The following KRT27 variants were observed in gnomAD, a reference collection of about 807,000 sequenced individuals.
KRT27 encodes keratin, type I cytoskeletal 27.
KRT27 carries 30 observed loss-of-function variants against 45.3 expected under a neutral mutation model. The observed-to-expected ratio is 0.66, with a 90% CI of 0.50 to 0.90. The LOEUF is 0.90. KRT27 is among the 40% of genes least tolerant of loss of function. The pLI is 0.00. For missense variants in KRT27, 610 were observed against 564.3 expected (o/e 1.08, Z -0.82); for synonymous variants, 204 against 223.9 (o/e 0.91, Z 0.79).
At position 40,777,670 on chromosome 17, in the gene KRT27, C is replaced by G; in HGVS notation, c.1035G>C (p.Gln345His). The G allele has an allele frequency of 6.2e-7, 1 of 1,614,174 alleles. No individual in the cohort carries two copies. The highest frequency in any genetic ancestry group is 8.5e-7 in the Non-Finnish European group (1 of 1,180,026). Residue 345 changes from glutamine to histidine, a missense_variant, in exon 6 of 8, where the codon CAG becomes CAC. By Grantham distance (24) the Gln-to-His change is conservative. Coordinates refer to ENST00000301656, the MANE Select transcript of KRT27 (RefSeq NM_181537.4). ...TESNYCAQLA[Q>H]IQAQIGALEE... is the part of the protein sequence containing the mutation. ...CCAGGGCCCCGATCTGAGCCTGGAT[C>G]TGTGCCAGCTGTGCACAGTAGTTAC...
chr17:40,779,876 T>C lies in KRT27; in HGVS notation c.685-15A>G. On this transcript the variant is annotated splice_polypyrimidine_tract_variant and intron_variant, in intron 3 of 7. Coordinates refer to ENST00000301656, the MANE Select transcript of KRT27 (RefSeq NM_181537.4). ...GCTTTCATTTCCTGAAAGATATTTG[T>C]TTAACGGAATTAGGATCTGAATATT... 1 of 1,599,840 alleles carries C rather than the reference T, an allele frequency of 6.3e-7. No homozygotes were observed. Among genetic ancestry groups the C allele is most frequent in the Non-Finnish European group, 8.5e-7 (1 of 1,175,016 alleles).
In KRT27 at chr17:40,779,792, C is replaced by G; in HGVS notation, c.754G>C (p.Asp252His). 1 of 1,614,274 alleles carries G rather than the reference C, an allele frequency of 6.2e-7. No individual in the cohort carries two copies. The highest frequency in any genetic ancestry group is 8.5e-7 in the Non-Finnish European group (1 of 1,180,050). Reference sequence around the variant, plus strand: ...ATATTGTTCAGCAGAACCGTGAGGTCTACCCCGGGGGCCGCGTTCATCTCC... The same window carrying G: ...ATATTGTTCAGCAGAACCGTGAGGTGTACCCCGGGGGCCGCGTTCATCTCC... ...NVEMNAAPGV[D>H]LTVLLNNMRA... is the part of the protein sequence containing the mutation. Residue 252 changes from aspartate to histidine, a missense_variant, in exon 4 of 8, where the codon GAC becomes CAC. By Grantham distance (81) the Asp-to-His change is moderately conservative. Coordinates refer to ENST00000301656, the MANE Select transcript of KRT27 (RefSeq NM_181537.4).
In KRT27 at chr17:40,777,509, A is replaced by G. The variant is rs1385663427; in HGVS notation, c.1190+6T>C. 1.9e-6 allele frequency: 3 copies of G among 1,613,666 alleles called. No homozygotes were observed. The highest frequency in any genetic ancestry group is 2.5e-6 in the Non-Finnish European group (3 of 1,179,674). On this transcript the variant is annotated splice_donor_region_variant and intron_variant, in intron 6 of 7. Transcript: ENST00000301656. The stretch of plus-strand genomic sequence containing the variant: ...GAATTGTTTTCTCAATGGCGGCAAT[A>G]CTGACCCATCTTCTCCATCTATCAG...
At position 40,782,237 on chromosome 17, in the gene KRT27, A is replaced by C. The variant is rs115984644; in HGVS notation, c.257T>G (p.Val86Gly). ...EHGLLSGNEK[V>G]TMQNLNDRLA... Reference sequence around the variant, plus strand: ...GCGGTCGTTGAGGTTCTGCATGGTCACCTTCTCATTGCCAGAGAGGAGGCC... The same window carrying C: ...GCGGTCGTTGAGGTTCTGCATGGTCCCCTTCTCATTGCCAGAGAGGAGGCC... Residue 86 changes from valine to glycine, a missense_variant, in exon 1 of 8, where the codon GTG becomes GGG. Transcript: ENST00000301656. 4.3e-4 allele frequency: 689 copies of C among 1,614,190 alleles called. 2 individuals carry two copies. The African/African-American group carries it at 8.5e-3, about 20-fold the overall frequency.
chr17:40,781,424 G>A (rs1443196346), intron 1 of KRT27, among the ~76,000 whole-genome samples, 154 bp from the exon 2 acceptor site: 1 of 151,776 alleles, frequency 6.6e-6, no homozygotes, highest in Non-Finnish European at 1.5e-5. Context: ...TTTAAGTATG[G>A]TCTCTCTCTC....
chr17:40,781,378 C>A, intron 1 of KRT27, 108 bp from the exon 2 acceptor site: 1 of 655,606 alleles, frequency 1.5e-6, no homozygotes, highest in Non-Finnish European at 2.7e-6. Context: ...TGGCATCTGT[C>A]TCTAATAATC....
intron 6 of KRT27, 40 bp downstream of exon 6, chr17:40,777,475 C>T (rs1417749735): frequency 3.7e-6 from 6 of 1,603,852 alleles, no homozygotes; most frequent in African/African-American, 1.3e-5. Context: ...CTTTAGTAAC[C>T]TTAAAAATGA....
chr17:40,779,432 G>C, intron 5 of KRT27, 70 bp downstream of exon 5: 1 of 1,537,046 alleles, frequency 6.5e-7, no homozygotes, highest in Non-Finnish European at 8.8e-7. Context: ...AATTATGTTG[G>C]AAGAAAATTC....
chr17:40,777,061 G>A lies in KRT27; in HGVS notation c.1318C>T (p.His440Tyr). Reference sequence around the variant, plus strand: ...TTGGTGGATTTCTCTTCCACAGTGTGAACTCTGGATGAGAGAACTTTGCCA... The same window carrying A: ...TTGGTGGATTTCTCTTCCACAGTGTAAACTCTGGATGAGAGAACTTTGCCA... ...PRGKVLSSRV[H>Y]TVEEKSTKVN... Residue 440 changes from histidine (H) to tyrosine (Y), a missense_variant, in exon 8 of 8, where the codon CAC becomes TAC. Physicochemically the swap from His to Tyr is moderately conservative, Grantham distance 83 (BLOSUM62 2). Coordinates refer to ENST00000301656, the MANE Select transcript of KRT27 (RefSeq NM_181537.4). The A allele has an allele frequency of 3.7e-6, 6 of 1,613,114 alleles. No individual in the cohort carries two copies. Among genetic ancestry groups the A allele is most frequent in the Non-Finnish European group, 5.1e-6 (6 of 1,179,080 alleles).
rs773105463 is a variant in KRT27 at position 40,782,263 on chromosome 17, G to A, written c.231C>T (p.His77=). Residue 77 remains histidine (H), a synonymous_variant, in exon 1 of 8, where the codon CAC becomes CAT. Coordinates refer to ENST00000301656, the MANE Select transcript of KRT27 (RefSeq NM_181537.4). ...CCTTCTCATTGCCAGAGAGGAGGCC[G>A]TGCTCATTCCCTGTGAAGGCAGCAC... The part of the protein sequence containing the change: ...ASCAAFTGNE[H]GLLSGNEKVT... 1.9e-4 allele frequency: 309 copies of A among 1,614,048 alleles called. 1 individual carries two copies. Among genetic ancestry groups the A allele is most frequent in the South Asian group, 5.7e-4 (52 of 91,086 alleles).
In KRT27 at chr17:40,782,497, G is replaced by A. The variant is rs761554173; in HGVS notation, c.-4C>T. On this transcript the variant is annotated 5_prime_UTR_variant, in exon 1 of 8. Transcript: ENST00000301656. ...TAGAAGAAAAGCGCACAGACATGGT[G>A]TCCGGAGGCTGGAGCCTTTGTTTCT... is the stretch of plus-strand genomic sequence containing the variant. 7 of 1,540,820 alleles carry A rather than the reference G, an allele frequency of 4.5e-6. No homozygotes were observed. The highest frequency in any genetic ancestry group is 4.1e-5 in the Admixed American group (2 of 48,568).
intron 1 of KRT27, among the ~76,000 whole-genome samples, chr17:40,781,576 T>G (rs1157480975): frequency 1.3e-5 from 2 of 152,230 alleles, no homozygotes; most frequent in East Asian, 3.9e-4. Flanking sequence ...ATTACAGGCA[T>G]GTGCCACCAC....
chr17:40,780,540 C>T (rs1356431383), intron 2 of KRT27, 84 bp from the exon 3 acceptor site: 1 of 1,303,578 alleles, frequency 7.7e-7, no homozygotes, highest in Non-Finnish European at 1.1e-6. Flanking sequence ...TCAGACTAAG[C>T]TTTGAGGTAA....
At chr17:40,781,093 C>T in intron 2 of KRT27, 95 bp downstream of exon 2, 1 of 706,634 alleles carries the variant, frequency 1.4e-6, no homozygotes, top group Non-Finnish European at 2.3e-6. Context: ...TAAACAAGAA[C>T]AAAGGCTTGA....
Position 40,781,214 on chromosome 17 carries a change from T to A in KRT27, c.501A>T (p.Arg167Ser), listed in dbSNP as rs1334558635. 2.5e-6 allele frequency: 4 copies of A among 1,611,436 alleles called. No individual in the cohort carries two copies. The African/African-American group carries it at 4.0e-5, about 16-fold the overall frequency. ...TTAGTCTGAAGTCATCAGCTGTTAG[T>A]CTTGCATTATCATTTTGCAGGACAA... ...AHVVLQNDNARLTADDFRLKF... is the reference protein window; with the variant it reads ...AHVVLQNDNASLTADDFRLKF... Residue 167 changes from arginine (R) to serine (S), a missense_variant, in exon 2 of 8, where the codon AGA becomes AGT. By Grantham distance (110) the Arg-to-Ser change is moderately radical. Coordinates refer to ENST00000301656, the MANE Select transcript of KRT27 (RefSeq NM_181537.4).
chr17:40,780,508 A>G (rs1467438958), intron 2 of KRT27, 52 bp from the exon 3 acceptor site: 2 of 1,502,612 alleles, frequency 1.3e-6, no homozygotes, highest in South Asian at 1.2e-5. Flanking sequence ...ATGGCACATC[A>G]CTTTTTAGAT....
chr17:40,777,609 C>T lies in KRT27; in HGVS notation c.1096G>A (p.Gly366Ser). 6.2e-7 allele frequency: 1 copy of T among 1,614,010 alleles called. No individual in the cohort carries two copies. The highest frequency in any genetic ancestry group is 8.5e-7 in the Non-Finnish European group (1 of 1,179,978). ...AGCTGCTCATACTCGAGCTTCTGGCCCTCGGTCTCGGTTCTGACCTGGTGC... is the reference window on the plus strand; with the variant it reads ...AGCTGCTCATACTCGAGCTTCTGGCTCTCGGTCTCGGTTCTGACCTGGTGC... ...QLHQVRTETE[G>S]QKLEYEQLLD... Residue 366 changes from glycine to serine, a missense_variant, in exon 6 of 8, where the codon GGC (glycine) becomes AGC (serine). Coordinates refer to ENST00000301656, the MANE Select transcript of KRT27 (RefSeq NM_181537.4).
In KRT27 at chr17:40,782,307, C is replaced by T. The variant is rs752455783; in HGVS notation, c.187G>A (p.Gly63Ser). Residue 63 changes from glycine to serine, a missense_variant, in exon 1 of 8, where the codon GGC (glycine) becomes AGC (serine). Physicochemically the swap from Gly to Ser is moderately conservative, Grantham distance 56. Coordinates refer to ENST00000301656, the MANE Select transcript of KRT27 (RefSeq NM_181537.4). Reference protein sequence around the residue: ...SSAGGYGGGLGGGSASCAAFT... With the variant: ...SSAGGYGGGLSGGSASCAAFT... ...GCAGCACAGGAAGCACTTCCCCCGC[C>T]CAGACCTCCGCCATAGCCTCCTGCA... The T allele has an allele frequency of 6.2e-7, 1 of 1,614,054 alleles. No individual in the cohort carries two copies. Among genetic ancestry groups the T allele is most frequent in the African/African-American group, 1.3e-5 (1 of 74,928 alleles).
intron 1 of KRT27, among the ~76,000 whole-genome samples, chr17:40,781,576 T>C (rs1157480975): frequency 6.6e-6 from 1 of 152,230 alleles, no homozygotes; most frequent in African/African-American, 2.4e-5. Context: ...ATTACAGGCA[T>C]GTGCCACCAC....
Sources: allele counts gnomAD v4.1 joint callset (sites outside exome capture counted in the v4.1 genomes callset), GRCh38; gene constraint gnomAD v4.1.1; transcripts MANE v1.5; gene names NCBI Gene and HGNC (gene_info 2026-07-23, HGNC 2026-07-21).